Variants in NKAIN2 observed in about 807,000 individuals in gnomAD.
NKAIN2 encodes sodium/potassium-transporting ATPase subunit beta-1-interacting protein 2.
A neutral mutation model predicts 32.6 loss-of-function variants in NKAIN2; 14 were observed. That is an observed-to-expected ratio of 0.43 (90% CI 0.28 to 0.67). NKAIN2 has a LOEUF of 0.67. NKAIN2 is among the 30% of genes least tolerant of loss of function. NKAIN2 has a pLI of 0.17. For missense variants in NKAIN2, 198 were observed against 258.3 expected, an observed-to-expected ratio of 0.77 and a Z score of 1.60; for synonymous variants, 80 against 87.2, an observed-to-expected ratio of 0.92 and a Z score of 0.46.
chr6:124,637,685 AC>A (rs1472155894), intron 3 of NKAIN2, among the ~76,000 whole-genome samples: 1 of 152,050 alleles, frequency 6.6e-6, no homozygotes, highest in African/African-American at 2.4e-5. Context: ...AAAAATAAAT[AC>A]CTAGAAATAA....
At chr6:124,600,285 A>G (rs1345237886) in intron 3 of NKAIN2, among the ~76,000 whole-genome samples, 1 of 152,134 alleles carries the variant, frequency 6.6e-6, no homozygotes, top group Non-Finnish European at 1.5e-5. Flanking sequence ...TTTCAAGTGG[A>G]AACAACTATT....
At chr6:124,164,130 A>T (rs1230744857) in intron 1 of NKAIN2, among the ~76,000 whole-genome samples, 3 of 152,126 alleles carry the variant, frequency 2.0e-5, no homozygotes, top group Non-Finnish European at 4.4e-5. Context: ...CAAAAGTTAG[A>T]ATTGTAAACA....
chr6:124,181,650 A>G (rs1789452033), intron 1 of NKAIN2, among the ~76,000 whole-genome samples: 1 of 152,156 alleles, frequency 6.6e-6, no homozygotes, highest in African/African-American at 2.4e-5. Context: ...CTCAAGTTCA[A>G]AGTTCCATAA....
chr6:124,780,194 G>A (rs1779195988), intron 4 of NKAIN2, among the ~76,000 whole-genome samples: 1 of 152,162 alleles, frequency 6.6e-6, no homozygotes, highest in Admixed American at 6.6e-5. Flanking sequence ...GGTTGGGAGA[G>A]TGGTGAGGAT....
rs1203626266 is a variant in NKAIN2 at position 124,060,429 on chromosome 6, T to C, written c.55-222576T>C. Among the ~76,000 whole-genome samples, 4 of 152,138 alleles carry C rather than the reference T, an allele frequency of 2.6e-5. No individual in the cohort carries two copies. The East Asian group carries it at 7.7e-4, about 29-fold the overall frequency. ...CCACCCAGCTAGGATTGAAGCTGCA[T>C]AGAAAAGAGAGGAGAAGCATAAAAA... On this transcript the variant is annotated intron_variant, in intron 1 of 6. Transcript: ENST00000368417.
chr6:124,628,270 AT>A (rs34939996), intron 3 of NKAIN2, among the ~76,000 whole-genome samples: 63,711 of 151,512 alleles, frequency 0.42, 13,829 homozygotes, highest in South Asian at 0.52. Context: ...ACCTTTAAGT[AT>A]TTTTTTTTAA....
intron 3 of NKAIN2, among the ~76,000 whole-genome samples, chr6:124,584,059 A>G (rs2114946057): frequency 6.6e-6 from 1 of 152,326 alleles, no homozygotes; most frequent in Non-Finnish European, 1.5e-5. Flanking sequence ...AACATTGAGG[A>G]AACTCTCTAG....
intron 1 of NKAIN2, among the ~76,000 whole-genome samples, chr6:124,058,523 T>C (rs1782774345): frequency 6.6e-6 from 1 of 152,020 alleles, no homozygotes; most frequent in African/African-American, 2.4e-5. Context: ...ACACATCCAA[T>C]ATTAGTAGGC....
intron 1 of NKAIN2, among the ~76,000 whole-genome samples, chr6:124,281,144 T>C (rs1795273813): frequency 6.6e-6 from 1 of 152,190 alleles, no homozygotes; most frequent in African/African-American, 2.4e-5. Flanking sequence ...CTCTATACGT[T>C]TGCCCTGCTG....
At chr6:124,573,042 G>A (rs371440111) in intron 3 of NKAIN2, among the ~76,000 whole-genome samples, 15 of 152,138 alleles carry the variant, frequency 9.9e-5, no homozygotes, top group African/African-American at 2.6e-4. Context: ...GTTTCACTCC[G>A]TTGGCCAAGC....
At chr6:123,965,649 T>C (rs909442679) in intron 1 of NKAIN2, among the ~76,000 whole-genome samples, 4 of 152,172 alleles carry the variant, frequency 2.6e-5, no homozygotes, top group African/African-American at 9.7e-5. Flanking sequence ...TCTTGGACCT[T>C]TTGTTTATTC....
chr6:124,468,959 T>A (rs1776867631), intron 3 of NKAIN2, among the ~76,000 whole-genome samples: 1 of 152,208 alleles, frequency 6.6e-6, no homozygotes, highest in Non-Finnish European at 1.5e-5. Context: ...ATATTAAAGC[T>A]CAAGATAAAG....
At chr6:124,000,426 A>G (rs1205093455) in intron 1 of NKAIN2, among the ~76,000 whole-genome samples, 3 of 152,004 alleles carry the variant, frequency 2.0e-5, no homozygotes, top group Non-Finnish European at 4.4e-5. Flanking sequence ...AAGCCTCAGG[A>G]GTGAATATAA....
chr6:124,085,394 T>C (rs1347432588), intron 1 of NKAIN2, among the ~76,000 whole-genome samples: 4 of 152,006 alleles, frequency 2.6e-5, no homozygotes, highest in Non-Finnish European at 4.4e-5. Flanking sequence ...ACAGTATATA[T>C]ACTTGCAGAG....
chr6:124,460,026 A>G (rs1044188949), intron 3 of NKAIN2, among the ~76,000 whole-genome samples: 7 of 151,676 alleles, frequency 4.6e-5, no homozygotes, highest in African/African-American at 1.7e-4. Context: ...TTTGAAAGCT[A>G]TATATTCTAT....
At chr6:124,216,618 G>T (rs1001667964) in intron 1 of NKAIN2, among the ~76,000 whole-genome samples, 2 of 152,186 alleles carry the variant, frequency 1.3e-5, no homozygotes, top group Non-Finnish European at 2.9e-5. Context: ...TGCAAATGTA[G>T]TGTGTAGTTT....
At chr6:124,807,793 A>G (rs1780658475) in intron 5 of NKAIN2, among the ~76,000 whole-genome samples, 1 of 151,354 alleles carries the variant, frequency 6.6e-6, no homozygotes, top group African/African-American at 2.4e-5. Flanking sequence ...AAAAAATGAT[A>G]AAGGGGATAT....
intron 4 of NKAIN2, among the ~76,000 whole-genome samples, chr6:124,789,411 A>C (rs1002328856): frequency 2.0e-5 from 3 of 152,094 alleles, no homozygotes; most frequent in Admixed American, 2.0e-4. Flanking sequence ...GTGGAGGAAG[A>C]GGTGAAGCTA....
intron 2 of NKAIN2, among the ~76,000 whole-genome samples, chr6:124,288,671 T>C (rs978199030): frequency 6.6e-6 from 1 of 152,176 alleles, no homozygotes; most frequent in Non-Finnish European, 1.5e-5. Context: ...CATTCATCTA[T>C]ACAATATAAG....
Sources: gnomAD v4.1 joint callset for allele counts (sites outside exome capture counted in the v4.1 genomes callset) on GRCh38, gnomAD v4.1.1 for gene constraint, MANE v1.5 for transcripts, NCBI Gene and HGNC (gene_info 2026-07-23, HGNC 2026-07-21) for gene names.